Variants in PROZ observed in about 807,000 individuals in gnomAD.
PROZ encodes vitamin K-dependent protein Z.
A neutral mutation model predicts 34.9 loss-of-function variants in PROZ; 46 were observed. That is an observed-to-expected ratio of 1.32 (90% CI 1.04 to 1.69). PROZ has a LOEUF of 1.69. PROZ is among the 40% of genes most tolerant of loss of function. PROZ has a pLI of 0.00. For synonymous variants in PROZ, 195 were observed against 208.5 expected, an observed-to-expected ratio of 0.94 and a Z score of 0.56; for missense variants, 530 against 520.4, an observed-to-expected ratio of 1.02 and a Z score of -0.18.
chr13:113,161,165 C>T (rs757534057), intron 3 of PROZ, among the ~76,000 whole-genome samples, 193 bp downstream of exon 3: 3 of 152,324 alleles, frequency 2.0e-5, no homozygotes, highest in South Asian at 2.1e-4. Flanking sequence ...GGCTCTGCCA[C>T]CAGGGCCACA....
At chr13:113,170,305 G>T in intron 6 of PROZ, 108 bp from the exon 7 acceptor site, 1 of 673,616 alleles carries the variant, frequency 1.5e-6, no homozygotes, top group Non-Finnish European at 2.7e-6. Flanking sequence ...TTGGCGGGGG[G>T]TGGGGGTGGG....
At position 113,172,092 on chromosome 13, in the gene PROZ, A is replaced by C; in HGVS notation, c.1190A>C (p.Gln397Pro). Reference protein sequence around the residue: ...KVSRYSLWFKQIMN With the variant: ...KVSRYSLWFKPIMN ...TCCAGGTACTCACTCTGGTTTAAAC[A>C]GATCATGAACTAACTGAAACTCAGC... Residue 397 changes from glutamine to proline, a missense_variant, in exon 8 of 8, where the codon CAG becomes CCG. Transcript: ENST00000375547. 6.2e-7 allele frequency: 1 copy of C among 1,612,796 alleles called. No homozygotes were observed. Among genetic ancestry groups the C allele is most frequent in the Non-Finnish European group, 8.5e-7 (1 of 1,179,980 alleles).
At chr13:113,167,179 T>C (rs991376614) in intron 6 of PROZ, among the ~76,000 whole-genome samples, 3 of 152,208 alleles carry the variant, frequency 2.0e-5, no homozygotes, top group African/African-American at 7.2e-5. Flanking sequence ...GAAGTATCAC[T>C]AAAAGTCTGG....
chr13:113,170,896 C>T (rs1331879194), intron 7 of PROZ, among the ~76,000 whole-genome samples: 1 of 151,424 alleles, frequency 6.6e-6, no homozygotes, highest in Non-Finnish European at 1.5e-5. Flanking sequence ...AGGCAGTGGC[C>T]TTCTCATCGG....
chr13:113,164,113 G>A (rs1351524336), intron 4 of PROZ, among the ~76,000 whole-genome samples: 1 of 151,948 alleles, frequency 6.6e-6, no homozygotes, highest in Admixed American at 6.6e-5. Flanking sequence ...CCGAGTAACT[G>A]GGACTACAGG....
chr13:113,158,683 T>C lies in PROZ; in HGVS notation c.23T>C (p.Leu8Pro), dbSNP rs2036705168. The change falls in exon 1 of 8, where the codon CTC (leucine) becomes CCC (proline). Residue 8 changes from leucine (L) to proline (P), a missense_variant. By Grantham distance (98) the Leu-to-Pro change is moderately conservative (BLOSUM62 -3). Coordinates refer to ENST00000375547, the MANE Select transcript of PROZ (RefSeq NM_003891.3). This position sits in a 1 kb window ranked among gnomAD's most constrained non-coding sequence, Gnocchi z 4.3. ...GGAATGGCAGGCTGCGTCCCACTGCTCCAGGGCCTGGTCCTGGTCCTCGCC... is the reference window on the plus strand; with the variant it reads ...GGAATGGCAGGCTGCGTCCCACTGCCCCAGGGCCTGGTCCTGGTCCTCGCC... MAGCVPL[L>P]QGLVLVLALH... 6.2e-7 allele frequency: 1 copy of C among 1,606,340 alleles called. No homozygotes were observed. The highest frequency in any genetic ancestry group is 2.2e-5 in the East Asian group (1 of 44,458).
chr13:113,163,278 C>T (rs2036801883), intron 4 of PROZ, among the ~76,000 whole-genome samples, 156 bp downstream of exon 4: 1 of 152,154 alleles, frequency 6.6e-6, no homozygotes, highest in South Asian at 2.1e-4. Context: ...CCTCTCATCC[C>T]AACCAGATTC....
At chr13:113,164,798 G>C (rs1002323617) in intron 5 of PROZ, among the ~76,000 whole-genome samples, 154 bp downstream of exon 5, 1 of 152,242 alleles carries the variant, frequency 6.6e-6, no homozygotes, top group Admixed American at 6.5e-5. Flanking sequence ...CTGGAGCAAT[G>C]GCCATGCTAG....
rs751420186 is a variant in PROZ at position 113,159,563 on chromosome 13, G to T, written c.71-451G>T. On this transcript the variant is annotated intron_variant, in intron 1 of 7. Transcript: ENST00000375547. The surrounding 1 kb of genome is among the most constrained non-coding windows in gnomAD (Gnocchi z 4.6). ...CATTTGCCTTCTCCTCCTGGAAATC[G>T]CAGAGCCTGCTGCAATGTATAAGTT... Among the ~76,000 whole-genome samples, 3 of 152,204 alleles carry T rather than the reference G, an allele frequency of 2.0e-5. No individual in the cohort carries two copies. Among genetic ancestry groups the T allele is most frequent in the Non-Finnish European group, 4.4e-5 (3 of 68,034 alleles).
At chr13:113,170,755 G>T (rs1489519787) in intron 7 of PROZ, among the ~76,000 whole-genome samples, 1 of 151,974 alleles carries the variant, frequency 6.6e-6, no homozygotes, top group Non-Finnish European at 1.5e-5. Context: ...GGCAAGGGAG[G>T]AAATCACAGC....
At chr13:113,160,706 C>G (rs929090724) in intron 2 of PROZ, among the ~76,000 whole-genome samples, 1 of 152,112 alleles carries the variant, frequency 6.6e-6, no homozygotes, top group South Asian at 2.1e-4. Flanking sequence ...TAGACTCTGG[C>G]CTTCCTCAAA....
intron 4 of PROZ, among the ~76,000 whole-genome samples, chr13:113,164,055 T>C (rs1002935163): frequency 9.9e-5 from 15 of 151,370 alleles, no homozygotes; most frequent in African/African-American, 3.4e-4. Context: ...GTCAGCTCAC[T>C]GCAACCTTTT....
rs1242133284 is a variant in PROZ, at chr13:113,172,200, C to T, written c.*95C>T. 6.6e-7 allele frequency: 1 copy of T among 1,514,116 alleles called. No individual in the cohort carries two copies. Among genetic ancestry groups the T allele is most frequent in the Non-Finnish European group, 9.0e-7 (1 of 1,116,368 alleles). The allele number at this position is 1,514,116 out of a possible 1,614,324, so 93.8% of individuals were successfully genotyped here. ...GAGGGCGCTGAAACTTCATCACACA[C>T]TGAGAGGCCGTCACAGCCCCAGACC... is the stretch of plus-strand genomic sequence containing the variant. On this transcript the variant is annotated 3_prime_UTR_variant, in exon 8 of 8. Coordinates refer to ENST00000375547, the MANE Select transcript of PROZ (RefSeq NM_003891.3).
chr13:113,167,795 C>T (rs753509234), intron 6 of PROZ, among the ~76,000 whole-genome samples: 9 of 150,128 alleles, frequency 6.0e-5, no homozygotes, highest in Admixed American at 1.3e-4. Flanking sequence ...TTGTAATTGT[C>T]GATATGTTTA....
Position 113,159,394 on chromosome 13 carries a change from C to A in PROZ, c.71-620C>A, listed in dbSNP as rs193069246. 1.8e-3 allele frequency: 1,728 copies of A among 965,422 alleles called. 8 individuals are homozygous for A. The highest frequency in any genetic ancestry group is 6.4e-3 in the Middle Eastern group (28 of 4,394). 59.8% of individuals were successfully genotyped at this position (965,422 alleles called of 1,614,324 possible). ...TTACCGTAGCCGGACTTAGCTGAGC[C>A]CCCCCTGCTGTAACCCTCAGCACCG... On this transcript the variant is annotated intron_variant, in intron 1 of 7. Transcript: ENST00000375547. This position sits in a 1 kb window ranked among gnomAD's most constrained non-coding sequence, Gnocchi z 4.6.
At position 113,158,768 on chromosome 13, in the gene PROZ, G is replaced by T. The variant is rs1555397092; in HGVS notation, c.70+38G>T. The T allele has an allele frequency of 1.9e-6, 3 of 1,558,660 alleles. No individual in the cohort carries two copies. The Admixed American group carries it at 5.5e-5, about 29-fold the overall frequency. Reference sequence around the variant, plus strand: ...CTTACCTGTCTGTTGTGCCTGTGCTGTGTCTTTCTTGACTCGGTCCATGGT... The same window carrying T: ...CTTACCTGTCTGTTGTGCCTGTGCTTTGTCTTTCTTGACTCGGTCCATGGT... On this transcript the variant is annotated intron_variant, in intron 1 of 7. Coordinates refer to ENST00000375547, the MANE Select transcript of PROZ (RefSeq NM_003891.3). This position sits in a 1 kb window ranked among gnomAD's most constrained non-coding sequence, Gnocchi z 4.3.
chr13:113,172,157 G>GCTGGCA lies in PROZ; in HGVS notation c.*56_*61dup. Reference sequence around the variant, plus strand: ...AACACAACCGGAAGCGGGATTCCAAGCTGGCACTGCCACTGTGGAGGGCGC... The same window carrying GCTGGCA: ...AACACAACCGGAAGCGGGATTCCAAGCTGGCACTGGCACTGCCACTGTGGAGGGCGC... On this transcript the variant is annotated 3_prime_UTR_variant, in exon 8 of 8. Transcript: ENST00000375547. The GCTGGCA allele has an allele frequency of 6.3e-7, 1 of 1,597,464 alleles. No homozygotes were observed. Among genetic ancestry groups the GCTGGCA allele is most frequent in the Non-Finnish European group, 8.5e-7 (1 of 1,171,648 alleles).
At position 113,171,950 on chromosome 13, in the gene PROZ, C is replaced by T; in HGVS notation, c.1048C>T (p.His350Tyr). ...YCERSSVAAM[H>Y]WMDGSVVTRE... ...TGAGAGAAGCAGCGTGGCGGCCATG[C>T]ACTGGATGGATGGAAGTGTGGTCAC... Residue 350 changes from histidine (H) to tyrosine (Y), a missense_variant, in exon 8 of 8, where the codon CAC becomes TAC. Coordinates refer to ENST00000375547, the MANE Select transcript of PROZ (RefSeq NM_003891.3). The surrounding 1 kb of genome is among the most constrained non-coding windows in gnomAD (Gnocchi z 5.1). 1 of 1,613,658 alleles carries T rather than the reference C, an allele frequency of 6.2e-7. No individual in the cohort carries two copies. The highest frequency in any genetic ancestry group is 8.5e-7 in the Non-Finnish European group (1 of 1,180,032).
chr13:113,170,118 A>T (rs1451640926), intron 6 of PROZ, among the ~76,000 whole-genome samples: 2 of 152,110 alleles, frequency 1.3e-5, no homozygotes, highest in East Asian at 3.8e-4. Context: ...AGATTTTGTC[A>T]ATTTTTTGCT....
Sources: allele counts gnomAD v4.1 joint callset (sites outside exome capture counted in the v4.1 genomes callset), GRCh38; gene constraint gnomAD v4.1.1; non-coding constraint Gnocchi (gnomAD v3.1); transcripts MANE v1.5; gene names NCBI Gene and HGNC (gene_info 2026-07-23, HGNC 2026-07-21).